The following UBE2W variants were observed in gnomAD, a reference collection of about 807,000 sequenced individuals.
The protein encoded by UBE2W is ubiquitin-conjugating enzyme E2 W.
A neutral mutation model predicts 27.2 loss-of-function variants in UBE2W; 18 were observed. The observed-to-expected ratio is 0.66, with a 90% CI of 0.46 to 0.98. UBE2W has a LOEUF of 0.98. Ranked by LOEUF, UBE2W falls within the 50% of genes least tolerant of loss-of-function variation. The pLI is 0.00. For missense variants in UBE2W, 90 were observed against 180.2 expected, an observed-to-expected ratio of 0.50 and a Z score of 2.87; for synonymous variants, 53 against 57.2, an observed-to-expected ratio of 0.93 and a Z score of 0.33.
chr8:73,807,524 A>G (rs558700220), intron 4 of UBE2W, among the ~76,000 whole-genome samples: 1 of 152,336 alleles, frequency 6.6e-6, no homozygotes, highest in African/African-American at 2.4e-5. Context: ...ACATTAGAGC[A>G]TAAGACAGTC....
At chr8:73,856,725 A>G (rs1373742908) in intron 1 of UBE2W, among the ~76,000 whole-genome samples, 1 of 149,976 alleles carries the variant, frequency 6.7e-6, no homozygotes, top group Non-Finnish European at 1.5e-5. Flanking sequence ...TTTTTTTTTG[A>G]GACAGGGTGT....
At chr8:73,872,626 T>C (rs1171588030) in intron 1 of UBE2W, among the ~76,000 whole-genome samples, 2 of 152,242 alleles carry the variant, frequency 1.3e-5, no homozygotes, top group African/African-American at 4.8e-5. Flanking sequence ...CTCTGAAATC[T>C]GTTGATGCTG....
chr8:73,862,209 C>T (rs13280128), intron 1 of UBE2W, among the ~76,000 whole-genome samples: 14,100 of 152,238 alleles, frequency 0.093, 700 homozygotes, highest in Middle Eastern at 0.17. Flanking sequence ...ACGGGCAGAT[C>T]ATGTGAGGTC....
intron 1 of UBE2W, chr8:73,831,305 C>T (rs973603991): frequency 1.0e-5 from 2 of 199,540 alleles, no homozygotes; most frequent in Admixed American, 6.0e-5. Context: ...GTAAAGATTT[C>T]TTTTTTTAAT....
intron 1 of UBE2W, among the ~76,000 whole-genome samples, chr8:73,846,461 T>C (rs1364928105): frequency 6.6e-6 from 1 of 152,160 alleles, no homozygotes; most frequent in African/African-American, 2.4e-5. Context: ...ATTTTTTAGA[T>C]TTAAAAAAAT....
At chr8:73,846,580 T>C (rs188833049) in intron 1 of UBE2W, among the ~76,000 whole-genome samples, 2 of 152,302 alleles carry the variant, frequency 1.3e-5, no homozygotes, top group East Asian at 3.9e-4. Context: ...TGCCCCAAGG[T>C]CACAGGCTTT....
At chr8:73,783,572 A>G (rs371907411), downstream of UBE2W, among the ~76,000 whole-genome samples, 13 of 152,180 alleles carry the variant, frequency 8.5e-5, no homozygotes, top group East Asian at 2.3e-3. Flanking sequence ...ATTATAATCA[A>G]TTCAAGCCAT....
chr8:73,859,940 T>G (rs1811472689), intron 1 of UBE2W, among the ~76,000 whole-genome samples: 2 of 152,056 alleles, frequency 1.3e-5, no homozygotes, highest in African/African-American at 4.8e-5. Flanking sequence ...CAGACACACC[T>G]TAAAAATAAA....
At chr8:73,820,502 C>T (rs763508616) in intron 3 of UBE2W, among the ~76,000 whole-genome samples, 15 of 151,698 alleles carry the variant, frequency 9.9e-5, no homozygotes, top group South Asian at 4.2e-4. Flanking sequence ...TTTGACAGGC[C>T]GAGGCGAGCA....
chr8:73,827,664 G>A (rs1386697847), intron 2 of UBE2W, among the ~76,000 whole-genome samples: 1 of 151,956 alleles, frequency 6.6e-6, no homozygotes, highest in Non-Finnish European at 1.5e-5. Context: ...CAAGTAGCTG[G>A]GACCACAGGT....
intron 5 of UBE2W, chr8:73,795,799 T>G: frequency 1.0e-6 from 1 of 984,878 alleles, no homozygotes; most frequent in Non-Finnish European, 1.2e-6. Context: ...ACAATTTTCT[T>G]GGCAATGCAA....
chr8:73,784,047 G>A (rs1807892889), downstream of UBE2W, among the ~76,000 whole-genome samples: 1 of 152,092 alleles, frequency 6.6e-6, no homozygotes, highest in South Asian at 2.1e-4. Flanking sequence ...CACCACACCT[G>A]GCCATAACAT....
intron 4 of UBE2W, 90 bp from the exon 5 acceptor site, chr8:73,805,816 T>A: frequency 1.5e-6 from 1 of 673,274 alleles, no homozygotes; most frequent in Non-Finnish European, 2.4e-6. Flanking sequence ...ATTAACAGAA[T>A]GCATAAAAAA....
chr8:73,830,510 G>A (rs1454515402), intron 1 of UBE2W, 38 bp from the exon 2 acceptor site: 2 of 1,561,532 alleles, frequency 1.3e-6, no homozygotes, highest in Middle Eastern at 1.7e-4. Context: ...TCCTTTTTGA[G>A]ACTAGGTCTG....
intron 1 of UBE2W, among the ~76,000 whole-genome samples, chr8:73,865,180 CAAAA>C (rs11354153): frequency 0.011 from 351 of 32,820 alleles, no homozygotes; most frequent in African/African-American, 0.021. Flanking sequence ...GTGCAAACGT[CAAAA>C]AAAAAAAAAA....
chr8:73,870,358 T>C, intron 1 of UBE2W: 1 of 1,520,674 alleles, frequency 6.6e-7, no homozygotes, highest in Non-Finnish European at 8.9e-7. Flanking sequence ...AATCTATTTT[T>C]TCCATTGATA....
chr8:73,794,776 A>G (rs1349169640), intron 5 of UBE2W, among the ~76,000 whole-genome samples: 1 of 150,038 alleles, frequency 6.7e-6, no homozygotes, highest in Non-Finnish European at 1.5e-5. Flanking sequence ...CGTGGCACAC[A>G]TCGGTAGTCT....
chr8:73,875,648 T>C (rs1221033213), intron 1 of UBE2W, among the ~76,000 whole-genome samples: 2 of 152,192 alleles, frequency 1.3e-5, no homozygotes, highest in Non-Finnish European at 2.9e-5. Flanking sequence ...GTTAAGGACA[T>C]GGTCATTCCA....
chr8:73,878,802 T>A lies in UBE2W; in HGVS notation c.15+6A>T. 1 of 1,549,500 alleles carries A rather than the reference T, an allele frequency of 6.5e-7. No homozygotes were observed. Among genetic ancestry groups the A allele is most frequent in the Middle Eastern group, 1.7e-4 (1 of 5,978 alleles). ...GGCCCGCCCAGATGCAGCAAACTCC[T>A]CTCACCTGCATTGACGCCATGATGG... On this transcript the variant is annotated splice_donor_region_variant and intron_variant, in intron 1 of 5. Coordinates refer to ENST00000602593, the MANE Select transcript of UBE2W (RefSeq NM_018299.6).
Sources: allele counts gnomAD v4.1 joint callset (sites outside exome capture counted in the v4.1 genomes callset), GRCh38; gene constraint gnomAD v4.1.1; transcripts MANE v1.5; gene names NCBI Gene and HGNC (gene_info 2026-07-23, HGNC 2026-07-21).